GALNTL6: variants seen among roughly 807,000 people sequenced by gnomAD.
The protein encoded by GALNTL6 is polypeptide N-acetylgalactosaminyltransferase-like 6.
In GALNTL6, 46 loss-of-function variants were observed where a neutral mutation model predicts 73.7. The observed-to-expected ratio is 0.62, with a 90% CI of 0.49 to 0.80. The LOEUF (loss-of-function observed/expected upper bound fraction) is 0.80, where lower values mean the gene tolerates loss of function less well. Ranked by LOEUF, GALNTL6 falls within the 30% of genes least tolerant of loss-of-function variation. The pLI, the probability that GALNTL6 is intolerant of heterozygous loss-of-function variation, is 0.00. For synonymous variants in GALNTL6, 259 were observed against 263.7 expected (o/e 0.98, Z 0.17); for missense variants, 604 against 755.0 (o/e 0.80, Z 2.34).
At chr4:172,602,901 A>G (rs149523789) in intron 5 of GALNTL6, among the ~76,000 whole-genome samples, 40 of 152,340 alleles carry the variant, frequency 2.6e-4, no homozygotes, top group African/African-American at 9.1e-4. Context: ...ATAAAAAGGA[A>G]CAAACTGCTG....
intron 2 of GALNTL6, among the ~76,000 whole-genome samples, chr4:171,905,929 T>C (rs1279867643): frequency 6.6e-6 from 1 of 150,514 alleles, no homozygotes; most frequent in Non-Finnish European, 1.5e-5. Context: ...GAAATAAAGA[T>C]GTTCTTTGAA....
chr4:172,860,896 T>C (rs538618708), intron 7 of GALNTL6, among the ~76,000 whole-genome samples: 11 of 152,158 alleles, frequency 7.2e-5, no homozygotes, highest in Admixed American at 2.0e-4. Flanking sequence ...CCCTGATAAT[T>C]CTGGCTGTTT....
chr4:172,134,150 G>A (rs539776975), intron 2 of GALNTL6, among the ~76,000 whole-genome samples: 21 of 152,170 alleles, frequency 1.4e-4, no homozygotes, highest in African/African-American at 3.4e-4. Flanking sequence ...TTGGGAGGCC[G>A]AGGCGGGCAG....
intron 2 of GALNTL6, among the ~76,000 whole-genome samples, chr4:172,183,927 G>C (rs1413403439): frequency 6.6e-6 from 1 of 151,736 alleles, no homozygotes; most frequent in Non-Finnish European, 1.5e-5. Flanking sequence ...TGAATAGCTG[G>C]AACTACAGGC....
At chr4:171,987,720 T>G (rs1305704029) in intron 2 of GALNTL6, among the ~76,000 whole-genome samples, 1 of 152,160 alleles carries the variant, frequency 6.6e-6, no homozygotes, top group Non-Finnish European at 1.5e-5. Context: ...GCTAGTGGCT[T>G]GTGCTATAGC....
At chr4:172,667,884 AC>A (rs1283371408) in intron 5 of GALNTL6, 1 of 152,176 alleles carries the variant, frequency 6.6e-6, no homozygotes, top group Non-Finnish European at 1.5e-5. Flanking sequence ...CACTTCCCTA[AC>A]TTTTTAGGAA....
At chr4:172,153,290 C>T (rs555472958) in intron 2 of GALNTL6, among the ~76,000 whole-genome samples, 1 of 152,260 alleles carries the variant, frequency 6.6e-6, no homozygotes, top group African/African-American at 2.4e-5. Context: ...TTTACACGAA[C>T]TATGATATTG....
chr4:172,482,986 G>A lies in GALNTL6; in HGVS notation c.553+134297G>A, dbSNP rs183019653. 8.7e-4 allele frequency among the ~76,000 whole-genome samples: 125 copies of A among 142,888 alleles called. 2 individuals carry two copies. In the South Asian group the frequency reaches 0.019, roughly 22 times the overall value. 93.7% of individuals were successfully genotyped at this position (142,888 alleles called of 152,430 possible). ...ATGGGGATACTTTAAGTACAATTTC[G>A]TAGGATTAAATGAGTTTATGTATAT... is the stretch of plus-strand genomic sequence containing the variant. On this transcript the variant is annotated intron_variant, in intron 5 of 12. Transcript: ENST00000506823.
At chr4:171,999,798 CTTA>C (rs1240754549) in intron 2 of GALNTL6, among the ~76,000 whole-genome samples, 4 of 151,954 alleles carry the variant, frequency 2.6e-5, no homozygotes, top group Non-Finnish European at 5.9e-5. Flanking sequence ...CTGTAAAGTC[CTTA>C]TTATTTTGCA....
At chr4:171,963,198 G>T (rs1739280904) in intron 2 of GALNTL6, among the ~76,000 whole-genome samples, 1 of 151,918 alleles carries the variant, frequency 6.6e-6, no homozygotes, top group East Asian at 1.9e-4. Flanking sequence ...GAAATCAAAA[G>T]GAGTGAAACT....
chr4:172,606,665 A>ATATATATATACTATATATATAG (rs1738308960), intron 5 of GALNTL6, among the ~76,000 whole-genome samples: 1 of 38,804 alleles, frequency 2.6e-5, no homozygotes, highest in Non-Finnish European at 5.1e-5. Context: ...TATATATACT[A>ATATATATATACTATATATATAG]TATATATATA....
chr4:172,574,697 A>G (rs1195287230), intron 5 of GALNTL6, among the ~76,000 whole-genome samples: 8 of 152,044 alleles, frequency 5.3e-5, no homozygotes. Flanking sequence ...CTTCAAGTAC[A>G]TAATTTAGAT....
At chr4:171,829,243 C>A (rs1734901545) in intron 2 of GALNTL6, among the ~76,000 whole-genome samples, 1 of 152,078 alleles carries the variant, frequency 6.6e-6, no homozygotes, top group South Asian at 2.1e-4. Context: ...GTTGGGATCA[C>A]CTTAAAAACT....
At chr4:172,199,139 G>A (rs1340101436) in intron 2 of GALNTL6, among the ~76,000 whole-genome samples, 1 of 152,094 alleles carries the variant, frequency 6.6e-6, no homozygotes, top group African/African-American at 2.4e-5. Flanking sequence ...TGAAAAAAGA[G>A]GTCCCATAGA....
chr4:172,825,130 C>CT (rs201472465), intron 7 of GALNTL6, among the ~76,000 whole-genome samples: 1 of 92,592 alleles, frequency 1.1e-5, no homozygotes, highest in Non-Finnish European at 2.2e-5. Context: ...TTCTTTCTTT[C>CT]TTCCTTTCTT....
At chr4:172,928,706 A>G (rs1748181887) in intron 8 of GALNTL6, among the ~76,000 whole-genome samples, 1 of 152,172 alleles carries the variant, frequency 6.6e-6, no homozygotes, top group Non-Finnish European at 1.5e-5. Context: ...TCTCTTCCAA[A>G]TATTGGGTTC....
intron 2 of GALNTL6, among the ~76,000 whole-genome samples, chr4:171,975,156 A>G (rs931759593): frequency 1.3e-5 from 2 of 152,200 alleles, no homozygotes; most frequent in African/African-American, 4.8e-5. Context: ...AAATGATTCC[A>G]GTTATTTTCC....
At chr4:172,029,886 G>A (rs2110817911) in intron 2 of GALNTL6, among the ~76,000 whole-genome samples, 1 of 152,150 alleles carries the variant, frequency 6.6e-6, no homozygotes, top group South Asian at 2.1e-4. Context: ...AAGCCCTATA[G>A]GTAACAGTGC....
At chr4:172,656,953 A>G (rs963574908) in intron 5 of GALNTL6, among the ~76,000 whole-genome samples, 2 of 151,706 alleles carry the variant, frequency 1.3e-5, no homozygotes, top group Non-Finnish European at 2.9e-5. Context: ...CTGCTCTGTT[A>G]TGAGCACAGG....
Sources: gnomAD v4.1 joint callset for allele counts (sites outside exome capture counted in the v4.1 genomes callset) on GRCh38, gnomAD v4.1.1 for gene constraint, MANE v1.5 for transcripts, NCBI Gene and HGNC (gene_info 2026-07-23, HGNC 2026-07-21) for gene names.